The following ARHGEF12 variants were observed in gnomAD, a reference collection of about 807,000 sequenced individuals.
ARHGEF12 encodes the protein Rho guanine nucleotide exchange factor 12, also known as KMT2A/ARHGEF12 fusion protein.
A neutral mutation model predicts 211.2 loss-of-function variants in ARHGEF12; 66 were observed. The ratio of observed to expected loss-of-function variants is 0.31; its 90% confidence interval spans 0.26 to 0.38. ARHGEF12 has a LOEUF of 0.38. ARHGEF12 is among the 10% of genes least tolerant of loss of function. ARHGEF12 has a pLI of 1.00. For missense variants in ARHGEF12, 1,429 were observed against 1,869.5 expected (o/e 0.76, Z 4.34); for synonymous variants, 592 against 638.4 (o/e 0.93, Z 1.09).
In ARHGEF12 at chr11:120,481,123, C is replaced by T. The variant is rs187077363; in HGVS notation, c.4238-137C>T. ...TCTGAAGTGAGGAAATTCTGATGTA[C>T]CTGAAACTAAACTCAGGAATTAATG... On this transcript the variant is annotated intron_variant, in intron 38 of 40. Coordinates refer to ENST00000397843, the MANE Select transcript of ARHGEF12 (RefSeq NM_015313.3). 6.1e-5 allele frequency: 47 copies of T among 774,138 alleles called. No individual in the cohort carries two copies. The African/African-American group carries it at 7.3e-4, about 12-fold the overall frequency. 48.0% of individuals were successfully genotyped at this position (774,138 alleles called of 1,614,324 possible). A position where few individuals can be genotyped will look rare whatever the true frequency, so the allele number is the denominator to read the frequency against.
chr11:120,448,539 T>C, intron 20 of ARHGEF12, 191 bp downstream of exon 20: 1 of 568,248 alleles, frequency 1.8e-6, no homozygotes, highest in East Asian at 2.9e-5. Context: ...TAAACTATTA[T>C]TAGACAATGT....
chr11:120,441,062 A>T (rs1224573304), intron 13 of ARHGEF12, among the ~76,000 whole-genome samples: 2 of 152,050 alleles, frequency 1.3e-5, no homozygotes, highest in African/African-American at 2.4e-5. Context: ...TCCCTTTTAT[A>T]TATTGTCGGT....
At chr11:120,442,427 TACACACACACACACACACACACACACAC>T (rs59268139) in intron 15 of ARHGEF12, among the ~76,000 whole-genome samples, 1 of 144,004 alleles carries the variant, frequency 6.9e-6, no homozygotes. Context: ...TATATATATA[TACACACACACACACACACACACACACAC>T]ATATATATAC....
chr11:120,461,369 G>A (rs1113942), intron 27 of ARHGEF12, among the ~76,000 whole-genome samples: 1,976 of 152,222 alleles, frequency 0.013, 51 homozygotes, highest in African/African-American at 0.046. Flanking sequence ...AAGTGACCAT[G>A]TGCATTGTCA....
At position 120,429,537 on chromosome 11, in the gene ARHGEF12, G is replaced by T; in HGVS notation, c.663+20G>T. 1.2e-6 allele frequency: 2 copies of T among 1,609,562 alleles called. No homozygotes were observed. Among genetic ancestry groups the T allele is most frequent in the Non-Finnish European group, 1.7e-6 (2 of 1,177,298 alleles). On this transcript the variant is annotated intron_variant, in intron 9 of 40. Transcript: ENST00000397843. ...CTACAGGTATTAAATGAGAAGTAGG[G>T]CTGTTTACAGGCCAATAAAAATGTG...
chr11:120,409,223 A>T (rs1476743656), intron 3 of ARHGEF12, 171 bp from the exon 4 acceptor site: 1 of 571,506 alleles, frequency 1.7e-6, no homozygotes, highest in East Asian at 2.9e-5. Context: ...AAAATATGTC[A>T]TTACCTGTGC....
At chr11:120,440,295 G>C in intron 13 of ARHGEF12, 74 bp downstream of exon 13, 2 of 1,196,898 alleles carry the variant, frequency 1.7e-6, no homozygotes, top group Non-Finnish European at 2.5e-6. Flanking sequence ...AAATGAGCAC[G>C]TTCTGGAGAT....
rs1947483472 is a variant in ARHGEF12 at position 120,489,654 on chromosome 11, G to A, written c.*4577G>A. 2 of 211,630 alleles carry A rather than the reference G, an allele frequency of 9.5e-6. No homozygotes were observed. Among genetic ancestry groups the A allele is most frequent in the Non-Finnish European group, 1.9e-5 (2 of 104,286 alleles). The allele number at this position is 211,630 out of a possible 1,614,324, so 13.1% of individuals were successfully genotyped here. On this transcript the variant is annotated 3_prime_UTR_variant, in exon 41 of 41. Coordinates refer to ENST00000397843, the MANE Select transcript of ARHGEF12 (RefSeq NM_015313.3). Reference sequence around the variant, plus strand: ...TATTTTAGTTTTCAGTCATTCAAGGGCACATTTGGCTGACGGAGCTAATAA... The same window carrying A: ...TATTTTAGTTTTCAGTCATTCAAGGACACATTTGGCTGACGGAGCTAATAA...
intron 1 of ARHGEF12, among the ~76,000 whole-genome samples, chr11:120,350,186 T>G (rs1228141036): frequency 6.6e-6 from 1 of 152,204 alleles, no homozygotes; most frequent in Non-Finnish European, 1.5e-5. Context: ...ATTTACATGA[T>G]AGAGTGATAT....
chr11:120,401,083 G>A (rs1170360923), intron 1 of ARHGEF12, among the ~76,000 whole-genome samples: 2 of 152,220 alleles, frequency 1.3e-5, no homozygotes, highest in East Asian at 1.9e-4. Context: ...TCTCCTAGCC[G>A]CTTTTCATGC....
At chr11:120,479,659 T>C (rs1331469903) in intron 37 of ARHGEF12, among the ~76,000 whole-genome samples, 1 of 152,290 alleles carries the variant, frequency 6.6e-6, no homozygotes, top group East Asian at 1.9e-4. Context: ...AGGCATGATA[T>C]TGGTTATTGA....
At chr11:120,395,760 AC>A (rs569573191) in intron 1 of ARHGEF12, among the ~76,000 whole-genome samples, 75 of 145,854 alleles carry the variant, frequency 5.1e-4, no homozygotes, top group East Asian at 1.2e-3. Flanking sequence ...ATGGGAAAAG[AC>A]CCCCCCCCTT....
intron 1 of ARHGEF12, among the ~76,000 whole-genome samples, chr11:120,402,329 A>T (rs1267855554): frequency 1.3e-5 from 2 of 152,118 alleles, no homozygotes; most frequent in African/African-American, 4.8e-5. Context: ...AATTACCTGC[A>T]TTGTTGTCTG....
intron 4 of ARHGEF12, among the ~76,000 whole-genome samples, chr11:120,416,371 G>A (rs556046473): frequency 2.1e-4 from 32 of 152,254 alleles, no homozygotes; most frequent in African/African-American, 7.5e-4. Flanking sequence ...TCCAATGAAA[G>A]AATAAAAACA....
chr11:120,409,353 T>A (rs1196813588), intron 3 of ARHGEF12, 41 bp from the exon 4 acceptor site: 1 of 1,604,132 alleles, frequency 6.2e-7, no homozygotes, highest in Non-Finnish European at 8.5e-7. Context: ...ATTGTCTCCA[T>A]ATTTTCTATA....
intron 12 of ARHGEF12, chr11:120,439,547 A>G (rs1205865621): frequency 6.6e-6 from 1 of 152,436 alleles, no homozygotes; most frequent in East Asian, 1.9e-4. Flanking sequence ...CCTGCATTAT[A>G]CATTTATGAA....
chr11:120,443,778 AAAAC>A (rs1346998790), intron 15 of ARHGEF12, among the ~76,000 whole-genome samples: 5 of 152,254 alleles, frequency 3.3e-5, no homozygotes, highest in Non-Finnish European at 5.9e-5. Flanking sequence ...TTCAAGGAAA[AAAAC>A]AAAAGCCAAT....
chr11:120,460,979 A>G (rs1463657937), intron 27 of ARHGEF12, among the ~76,000 whole-genome samples: 2 of 152,200 alleles, frequency 1.3e-5, no homozygotes, highest in Non-Finnish European at 2.9e-5. Flanking sequence ...ATGAGATTGC[A>G]GTGATTCAGT....
chr11:120,467,601 C>G (rs2135939757), intron 29 of ARHGEF12, among the ~76,000 whole-genome samples: 1 of 131,700 alleles, frequency 7.6e-6, no homozygotes, highest in Non-Finnish European at 1.6e-5. Flanking sequence ...CACCACCACA[C>G]TTGGCTTTTT....
Sources: allele counts gnomAD v4.1 joint callset (sites outside exome capture counted in the v4.1 genomes callset), GRCh38; gene constraint gnomAD v4.1.1; transcripts MANE v1.5; gene names NCBI Gene and HGNC (gene_info 2026-07-23, HGNC 2026-07-21).